Variants in DOCK7 observed in about 807,000 individuals in gnomAD.
DOCK7 encodes dedicator of cytokinesis 7.
A neutral mutation model predicts 271.0 loss-of-function variants in DOCK7; 138 were observed. The ratio of observed to expected loss-of-function variants is 0.51; its 90% confidence interval spans 0.44 to 0.59. The LOEUF (loss-of-function observed/expected upper bound fraction) is 0.59. Ranked by LOEUF, DOCK7 falls within the 20% of genes least tolerant of loss-of-function variation. DOCK7 has a pLI of 0.00. For missense variants in DOCK7, 2,066 were observed against 2,592.4 expected (o/e 0.80, Z 4.41); for synonymous variants, 823 against 876.1 (o/e 0.94, Z 1.07).
At chr1:62,619,425 G>A (rs1236415883) in intron 13 of DOCK7, among the ~76,000 whole-genome samples, 1 of 152,162 alleles carries the variant, frequency 6.6e-6, no homozygotes, top group Non-Finnish European at 1.5e-5. Context: ...TGAAACTGCA[G>A]ACAGTACCCA....
intron 21 of DOCK7, among the ~76,000 whole-genome samples, chr1:62,553,749 T>C (rs1476329342): frequency 1.3e-5 from 2 of 152,120 alleles, no homozygotes; most frequent in Non-Finnish European, 2.9e-5. Flanking sequence ...ATATGAACTA[T>C]AAATAAAATC....
chr1:62,675,257 G>A (rs1262244598), intron 1 of DOCK7, among the ~76,000 whole-genome samples: 1 of 152,058 alleles, frequency 6.6e-6, no homozygotes. Flanking sequence ...CAAAAAATTA[G>A]CCAGATGTGG....
At chr1:62,464,501 G>A (rs1445833137) in intron 48 of DOCK7, among the ~76,000 whole-genome samples, 1 of 151,482 alleles carries the variant, frequency 6.6e-6, no homozygotes, top group East Asian at 2.0e-4. Context: ...GGCCAACATG[G>A]CGAAACCCCG....
intron 31 of DOCK7, among the ~76,000 whole-genome samples, chr1:62,517,407 C>A (rs956834284): frequency 6.6e-6 from 1 of 152,060 alleles, no homozygotes; most frequent in African/African-American, 2.4e-5. Context: ...ATCAGCCGGA[C>A]CAAAATGGAG....
chr1:62,470,987 T>G (rs529736191), intron 48 of DOCK7, among the ~76,000 whole-genome samples: 1 of 152,244 alleles, frequency 6.6e-6, no homozygotes, highest in African/African-American at 2.4e-5. Flanking sequence ...CCCACTTCTT[T>G]ATCCTCCTCC....
intron 15 of DOCK7, chr1:62,584,542 C>A (rs1647276528): frequency 8.7e-7 from 1 of 1,142,990 alleles, no homozygotes; most frequent in East Asian, 5.2e-5. Context: ...TTTTTTCCCT[C>A]TGAGAAGCTA....
intron 48 of DOCK7, among the ~76,000 whole-genome samples, chr1:62,463,614 G>T (rs760780869): frequency 6.6e-6 from 1 of 151,928 alleles, no homozygotes; most frequent in Non-Finnish European, 1.5e-5. Flanking sequence ...TTCATAAAAC[G>T]GATTATGTAA....
chr1:62,677,805 A>C (rs979355809), intron 1 of DOCK7, among the ~76,000 whole-genome samples: 1 of 152,216 alleles, frequency 6.6e-6, no homozygotes, highest in African/African-American at 2.4e-5. Flanking sequence ...AGACCAGTGA[A>C]ACACAGAATG....
chr1:62,645,225 C>A (rs1043259319), intron 7 of DOCK7, among the ~76,000 whole-genome samples: 2 of 151,964 alleles, frequency 1.3e-5, no homozygotes, highest in Admixed American at 6.6e-5. Context: ...AATGAAAACA[C>A]GTGTCCCACA....
chr1:62,492,140 G>C (rs952727892), intron 41 of DOCK7, among the ~76,000 whole-genome samples: 1 of 151,958 alleles, frequency 6.6e-6, no homozygotes, highest in Admixed American at 6.6e-5. Context: ...GATATCTTGA[G>C]CCCAGGAGTT....
chr1:62,641,202 T>C lies in DOCK7; in HGVS notation c.819-4599A>G, dbSNP rs974344132. On this transcript the variant is annotated intron_variant, in intron 7 of 49. Transcript: ENST00000635253. ...GTTCTTTTGGCCTGTTTCTATAGAC[T>C]CATGAGCTGTCTTTTCTTCCAGTAG... 1.3e-5 allele frequency: 5 copies of C among 381,966 alleles called. No individual in the cohort carries two copies. In the Admixed American group the frequency reaches 1.7e-4, roughly 13 times the overall value. The allele number at this position is 381,966 out of a possible 1,614,324, so 23.7% of individuals were successfully genotyped here. A position where few individuals can be genotyped will look rare whatever the true frequency, so the allele number is the denominator to read the frequency against.
intron 4 of DOCK7, 26 bp from the exon 5 acceptor site, chr1:62,648,570 A>T: frequency 8.5e-7 from 1 of 1,179,476 alleles, no homozygotes; most frequent in Non-Finnish European, 1.1e-6. Flanking sequence ...AGTTAAATAA[A>T]TATCAACTAT....
At chr1:62,579,776 A>G (rs1028036811) in intron 16 of DOCK7, among the ~76,000 whole-genome samples, 7 of 151,966 alleles carry the variant, frequency 4.6e-5, no homozygotes, top group African/African-American at 1.7e-4. Context: ...GAAGAAATAA[A>G]AAAAGTTACC....
intron 4 of DOCK7, among the ~76,000 whole-genome samples, chr1:62,650,012 G>A (rs1311432007): frequency 6.6e-6 from 1 of 152,154 alleles, no homozygotes; most frequent in Non-Finnish European, 1.5e-5. Flanking sequence ...CACTTGGGGA[G>A]GCTGAAGTAA....
intron 43 of DOCK7, chr1:62,486,902 T>C (rs1369180890): frequency 6.6e-6 from 1 of 152,192 alleles, no homozygotes; most frequent in Non-Finnish European, 1.5e-5. Context: ...ACTAATAGGA[T>C]ATCCTGGTTT....
intron 31 of DOCK7, among the ~76,000 whole-genome samples, chr1:62,523,488 T>C (rs948456423): frequency 1.3e-5 from 2 of 152,152 alleles, no homozygotes; most frequent in Non-Finnish European, 2.9e-5. Context: ...TAACACAGAA[T>C]ACCTTCAAAA....
intron 22 of DOCK7, among the ~76,000 whole-genome samples, chr1:62,548,948 G>C (rs1557699645): frequency 6.6e-6 from 1 of 152,162 alleles, no homozygotes; most frequent in South Asian, 2.1e-4. Flanking sequence ...GAACTCCAGA[G>C]AGAGATCTGT....
chr1:62,584,110 C>T, intron 15 of DOCK7: 4 of 963,204 alleles, frequency 4.2e-6, no homozygotes, highest in Non-Finnish European at 4.9e-6. Flanking sequence ...ACTGGTAAAA[C>T]AACTCAAAGT....
chr1:62,583,321 G>T, intron 15 of DOCK7, 67 bp from the exon 16 acceptor site: 3 of 1,393,252 alleles, frequency 2.2e-6, no homozygotes, highest in South Asian at 1.2e-5. Flanking sequence ...AACTATGTAA[G>T]AATTTGTCTG....
Sources: allele counts gnomAD v4.1 joint callset (sites outside exome capture counted in the v4.1 genomes callset), GRCh38; gene constraint gnomAD v4.1.1; transcripts MANE v1.5; gene names NCBI Gene and HGNC (gene_info 2026-07-23, HGNC 2026-07-21).